The following ZNF804B variants were observed in gnomAD, a reference collection of about 807,000 sequenced individuals.
ZNF804B encodes zinc finger protein 804B, also known as zinc finger 804B.
ZNF804B carries 80 observed loss-of-function variants against 101.4 expected under a neutral mutation model. The observed-to-expected ratio is 0.79, with a 90% CI of 0.66 to 0.95. ZNF804B has a LOEUF of 0.95. Among genes scored for constraint, ZNF804B ranks in the 40% least tolerant of loss-of-function variants. The pLI, the probability that ZNF804B is intolerant of heterozygous loss-of-function variation, is 0.00. For synonymous variants in ZNF804B, 622 were observed against 558.8 expected (o/e 1.11, Z -1.59); for missense variants, 1,673 against 1,561.9 (o/e 1.07, Z -1.20).
chr7:88,914,324 G>A (rs1395566202), intron 1 of ZNF804B, among the ~76,000 whole-genome samples: 1 of 152,160 alleles, frequency 6.6e-6, no homozygotes, highest in Non-Finnish European at 1.5e-5. Context: ...TAGGGTCCAT[G>A]TTTGGCGTGC....
At chr7:88,949,668 A>G (rs1562841399) in intron 1 of ZNF804B, among the ~76,000 whole-genome samples, 1 of 151,924 alleles carries the variant, frequency 6.6e-6, no homozygotes, top group Non-Finnish European at 1.5e-5. Flanking sequence ...GTGCTTTAAA[A>G]TTTACTTTCT....
At chr7:88,907,715 T>C (rs553107442) in intron 1 of ZNF804B, among the ~76,000 whole-genome samples, 1 of 152,020 alleles carries the variant, frequency 6.6e-6, no homozygotes, top group East Asian at 1.9e-4. Context: ...TTCTAAGCCA[T>C]TACCACATTT....
chr7:89,130,489 A>C (rs1790531140), intron 1 of ZNF804B, among the ~76,000 whole-genome samples: 1 of 151,960 alleles, frequency 6.6e-6, no homozygotes. Flanking sequence ...CCTATGATGC[A>C]ACTGACAACC....
At chr7:88,935,495 G>A (rs1261920618) in intron 1 of ZNF804B, among the ~76,000 whole-genome samples, 1 of 151,672 alleles carries the variant, frequency 6.6e-6, no homozygotes, top group Non-Finnish European at 1.5e-5. Context: ...ACCAGCATGG[G>A]CAACATGGTG....
At chr7:88,823,082 T>C (rs1196212737) in intron 1 of ZNF804B, among the ~76,000 whole-genome samples, 1 of 152,052 alleles carries the variant, frequency 6.6e-6, no homozygotes, top group Non-Finnish European at 1.5e-5. Flanking sequence ...TAGTGGCAGA[T>C]GCCTGTAATC....
At chr7:89,182,583 T>C (rs1191117841) in intron 1 of ZNF804B, among the ~76,000 whole-genome samples, 1 of 152,200 alleles carries the variant, frequency 6.6e-6, no homozygotes, top group Non-Finnish European at 1.5e-5. Context: ...TTTTTCTTGA[T>C]GACCTTGTAC....
At chr7:89,173,433 T>C (rs1013156949) in intron 1 of ZNF804B, among the ~76,000 whole-genome samples, 5 of 152,072 alleles carry the variant, frequency 3.3e-5, no homozygotes, top group Non-Finnish European at 5.9e-5. Context: ...AAGCTGATCC[T>C]ATGTGTACCC....
intron 1 of ZNF804B, among the ~76,000 whole-genome samples, chr7:88,973,565 T>G (rs1301098228): frequency 6.6e-6 from 1 of 151,406 alleles, no homozygotes; most frequent in Non-Finnish European, 1.5e-5. Context: ...TAATCTTTTT[T>G]TTTTTAAGGC....
chr7:88,763,656 T>C (rs1789933076), intron 1 of ZNF804B, among the ~76,000 whole-genome samples: 1 of 152,022 alleles, frequency 6.6e-6, no homozygotes, highest in Non-Finnish European at 1.5e-5. Flanking sequence ...TCTACCACAA[T>C]TTATACCTAT....
intron 1 of ZNF804B, among the ~76,000 whole-genome samples, chr7:88,940,016 A>T (rs1375642468): frequency 1.3e-5 from 2 of 151,968 alleles, no homozygotes; most frequent in Non-Finnish European, 2.9e-5. Context: ...ATGGAAAATT[A>T]AAAACACAAT....
At chr7:88,786,715 C>T (rs551224137) in intron 1 of ZNF804B, among the ~76,000 whole-genome samples, 1 of 152,114 alleles carries the variant, frequency 6.6e-6, no homozygotes, top group Admixed American at 6.6e-5. Flanking sequence ...CAGGAAGGAG[C>T]AATTTTTGCT....
rs1790564657 is a variant in ZNF804B, at chr7:88,800,692, T to TGTG, written c.108+40608_108+40609insGTG. Among the ~76,000 whole-genome samples, 5 of 146,600 alleles carry TGTG rather than the reference T, an allele frequency of 3.4e-5. No individual in the cohort carries two copies. The South Asian group carries it at 1.1e-3, about 33-fold the overall frequency. The stretch of plus-strand genomic sequence containing the variant: ...CTGGGAATTAAAAAATAGATATGAT[T>TGTG]TGTGTGTGTGTGTGTGTGTGTGTGT... On this transcript the variant is annotated intron_variant, in intron 1 of 3. Coordinates refer to ENST00000333190, the MANE Select transcript of ZNF804B (RefSeq NM_181646.5).
chr7:89,195,808 TA>T (rs372424614), intron 1 of ZNF804B, among the ~76,000 whole-genome samples: 1 of 151,294 alleles, frequency 6.6e-6, no homozygotes, highest in Non-Finnish European at 1.5e-5. Flanking sequence ...CACAATTGCT[TA>T]AAAAAAAGAA....
chr7:89,084,069 G>T (rs1355337451), intron 1 of ZNF804B, among the ~76,000 whole-genome samples: 1 of 151,916 alleles, frequency 6.6e-6, no homozygotes, highest in African/African-American at 2.4e-5. Flanking sequence ...TTGATGAGCT[G>T]TCAAGCTATC....
At chr7:88,948,358 T>C (rs542784479) in intron 1 of ZNF804B, among the ~76,000 whole-genome samples, 21 of 140,330 alleles carry the variant, frequency 1.5e-4, no homozygotes, top group African/African-American at 5.4e-4. Context: ...TTGTCAAGGC[T>C]GGAGTGCAGC....
At position 89,027,772 on chromosome 7, in the gene ZNF804B, A is replaced by C. The variant is rs1023487342; in HGVS notation, c.109-190383A>C. On this transcript the variant is annotated intron_variant, in intron 1 of 3. Coordinates refer to ENST00000333190, the MANE Select transcript of ZNF804B (RefSeq NM_181646.5). ...GCAAGGCCCTAAAATCTAGAGATCA[A>C]TTCAGGGAAGATGCAAATTTTGGTC... Among the ~76,000 whole-genome samples the C allele has an allele frequency of 7.2e-5, 11 of 152,164 alleles. No individual in the cohort carries two copies. In the East Asian group the frequency reaches 2.1e-3, roughly 29 times the overall value.
chr7:89,062,564 C>A (rs1253278623), intron 1 of ZNF804B, among the ~76,000 whole-genome samples: 3 of 151,712 alleles, frequency 2.0e-5, no homozygotes, highest in African/African-American at 7.3e-5. Flanking sequence ...CAAGACTATA[C>A]CGTATTATTT....
At chr7:88,854,533 T>TTCCTTCCCTTCCCTTCCCTTC (rs796987599) in intron 1 of ZNF804B, among the ~76,000 whole-genome samples, 14 of 78,190 alleles carry the variant, frequency 1.8e-4, no homozygotes, top group East Asian at 6.0e-4. Flanking sequence ...TTCCTTTCCT[T>TTCCTTCCCTTCCCTTCCCTTC]CCTTCCTTCC....
chr7:88,925,259 T>G (rs954836658), intron 1 of ZNF804B, among the ~76,000 whole-genome samples: 2 of 152,124 alleles, frequency 1.3e-5, no homozygotes, highest in African/African-American at 4.8e-5. Context: ...CACTCCAATC[T>G]CAGGCCCTGT....
Sources: allele counts gnomAD v4.1 joint callset (sites outside exome capture counted in the v4.1 genomes callset), GRCh38; gene constraint gnomAD v4.1.1; transcripts MANE v1.5; gene names NCBI Gene and HGNC (gene_info 2026-07-23, HGNC 2026-07-21).